ZMYND11: variants seen among roughly 807,000 people sequenced by gnomAD.
ZMYND11 encodes the protein zinc finger MYND-type containing 11.
Under a neutral mutation model 84.9 loss-of-function variants are expected in ZMYND11, and 9 were observed. The observed-to-expected ratio is 0.11, with a 90% CI of 0.06 to 0.18. The LOEUF is 0.18. ZMYND11 is among the 10% of genes least tolerant of loss of function. The pLI, the probability that ZMYND11 is intolerant of heterozygous loss-of-function variation, is 1.00. For synonymous variants in ZMYND11, 250 were observed against 244.1 expected (o/e 1.02, Z -0.23); for missense variants, 409 against 761.0 (o/e 0.54, Z 5.44).
chr10:248,216 ACAG>A (rs1280450001), intron 12 of ZMYND11, 117 bp from the exon 13 acceptor site: 1 of 1,299,430 alleles, frequency 7.7e-7, no homozygotes, highest in East Asian at 2.4e-5. Flanking sequence ...ACATTTTTCA[ACAG>A]CAGTTTATTC....
In ZMYND11 at chr10:149,720, C is replaced by G. The variant is rs185641872; in HGVS notation, c.-20+14161C>G. 2.1e-3 allele frequency among the ~76,000 whole-genome samples: 317 copies of G among 152,270 alleles called. 2 individuals carry two copies. The highest frequency in any genetic ancestry group is 7.3e-3 in the African/African-American group (304 of 41,550). ...GCACTAATTTTATACTTTATCCAGT[C>G]TCACACTTTAAATAGACATTGTATC... On this transcript the variant is annotated intron_variant, in intron 1 of 14. Coordinates refer to ENST00000381604, the MANE Select transcript of ZMYND11 (RefSeq NM_001370100.5).
intron 2 of ZMYND11, among the ~76,000 whole-genome samples, chr10:181,079 C>G (rs1847795935): frequency 1.3e-5 from 2 of 151,452 alleles, no homozygotes; most frequent in South Asian, 4.2e-4. Flanking sequence ...TGTTTTGTTT[C>G]TCTGGGTATT....
At chr10:241,793 A>T (rs1187072393) in intron 9 of ZMYND11, among the ~76,000 whole-genome samples, 2 of 152,042 alleles carry the variant, frequency 1.3e-5, no homozygotes, top group Non-Finnish European at 2.9e-5. Flanking sequence ...ATACATGTGG[A>T]TGGCCTTGCT....
chr10:229,181 G>C (rs1203392261), intron 4 of ZMYND11, among the ~76,000 whole-genome samples: 1 of 152,112 alleles, frequency 6.6e-6, no homozygotes, highest in Non-Finnish European at 1.5e-5. Context: ...AATAAATGTA[G>C]ATACAGCCAC....
Position 253,317 on chromosome 10 carries a change from T to A in ZMYND11, c.*847T>A, listed in dbSNP as rs563626850. The stretch of plus-strand genomic sequence containing the variant: ...GAGGCATACGAATTTGTTTAATGCT[T>A]CCCTTCCCTTCCCACATATCATCTC... On this transcript the variant is annotated 3_prime_UTR_variant, in exon 15 of 15. Transcript: ENST00000381604. The A allele has an allele frequency of 6.5e-6, 1 of 152,758 alleles. No homozygotes were observed. Among genetic ancestry groups the A allele is most frequent in the African/African-American group, 2.4e-5 (1 of 41,566 alleles). The allele number at this position is 152,758 out of a possible 1,614,324, so 9.5% of individuals were successfully genotyped here.
At position 240,108 on chromosome 10, in the gene ZMYND11, T is replaced by C. The variant is rs1564445140; in HGVS notation, c.750T>C (p.His250=). The C allele has an allele frequency of 2.5e-6, 4 of 1,609,608 alleles. No homozygotes were observed. The highest frequency in any genetic ancestry group is 3.4e-6 in the Non-Finnish European group (4 of 1,177,472). ...IARMLYKDTC[H]ELDELQLCKN... is the part of the protein sequence containing the mutation. ...GGATGCTATATAAAGACACATGTCATGAGGTACTATTCATTGCCCAATAGT... is the reference window on the plus strand; with the variant it reads ...GGATGCTATATAAAGACACATGTCACGAGGTACTATTCATTGCCCAATAGT... Residue 250 remains histidine (H), a synonymous_variant, in exon 8 of 15, where the codon CAT becomes CAC. Coordinates refer to ENST00000381604, the MANE Select transcript of ZMYND11 (RefSeq NM_001370100.5).
Position 240,100 on chromosome 10 carries a change from A to C in ZMYND11, c.742A>C (p.Thr248Pro). 1 of 1,611,036 alleles carries C rather than the reference A, an allele frequency of 6.2e-7. No homozygotes were observed. The change falls in exon 8 of 15, where the codon ACA becomes CCA. Residue 248 changes from threonine to proline, a missense_variant. Physicochemically the swap from Thr to Pro is conservative, Grantham distance 38 (BLOSUM62 -1). Around this residue, in one of 7 missense-constraint regions of ZMYND11, gnomAD observed 59 missense variants for 151.0 expected, o/e 0.39. Transcript: ENST00000381604. The part of the protein sequence containing the change: ...ADIARMLYKD[T>P]CHELDELQLC... ...CATTGCGAGGATGCTATATAAAGAC[A>C]CATGTCATGAGGTACTATTCATTGC...
At chr10:205,940 T>C (rs1009408268) in intron 2 of ZMYND11, among the ~76,000 whole-genome samples, 5 of 152,128 alleles carry the variant, frequency 3.3e-5, no homozygotes, top group African/African-American at 4.8e-5. Flanking sequence ...TGGTCAGTTG[T>C]TATGTATGTC....
intron 14 of ZMYND11, among the ~76,000 whole-genome samples, chr10:250,766 G>A (rs370855817): frequency 1.2e-4 from 19 of 152,174 alleles, no homozygotes; most frequent in South Asian, 6.2e-4. Context: ...GGCCAGGCTC[G>A]GTGCTCACAC....
chr10:238,564 G>T (rs1442449322), intron 6 of ZMYND11, among the ~76,000 whole-genome samples: 1 of 152,048 alleles, frequency 6.6e-6, no homozygotes, highest in Non-Finnish European at 1.5e-5. Flanking sequence ...CACCGTTTTA[G>T]CCAGGATGGT....
At chr10:137,102 C>T (rs572246524) in intron 1 of ZMYND11, among the ~76,000 whole-genome samples, 2 of 152,190 alleles carry the variant, frequency 1.3e-5, no homozygotes, top group African/African-American at 4.8e-5. Flanking sequence ...ATGTCATATG[C>T]ACCATGCATG....
intron 10 of ZMYND11, 62 bp from the exon 11 acceptor site, chr10:246,704 C>T: frequency 6.5e-7 from 1 of 1,541,372 alleles, no homozygotes; most frequent in Non-Finnish European, 8.9e-7. Context: ...CTGAAGCCCT[C>T]TTTTACCACC....
upstream of ZMYND11, among the ~76,000 whole-genome samples, chr10:132,268 C>CA (rs1193270241): frequency 6.1e-5 from 9 of 148,216 alleles, no homozygotes; most frequent in African/African-American, 2.2e-4. Flanking sequence ...TGCTGCTGCT[C>CA]AAAAAAAATA....
chr10:193,845 C>T (rs575491502), intron 2 of ZMYND11, among the ~76,000 whole-genome samples: 2 of 152,228 alleles, frequency 1.3e-5, no homozygotes, highest in Admixed American at 6.5e-5. Flanking sequence ...CCATGATAAT[C>T]TTTTCTTGGT....
chr10:217,019 A>C (rs1946292291), intron 3 of ZMYND11, among the ~76,000 whole-genome samples: 1 of 152,218 alleles, frequency 6.6e-6, no homozygotes, highest in Non-Finnish European at 1.5e-5. Flanking sequence ...ATGCTATCTC[A>C]AACACACATA....
At chr10:228,952 A>G (rs947496994) in intron 4 of ZMYND11, among the ~76,000 whole-genome samples, 5 of 152,048 alleles carry the variant, frequency 3.3e-5, no homozygotes, top group Non-Finnish European at 5.9e-5. Flanking sequence ...GTGTGTGTGT[A>G]TGTGTGTACC....
intron 3 of ZMYND11, among the ~76,000 whole-genome samples, chr10:217,320 A>C (rs1347444066): frequency 6.6e-6 from 1 of 152,148 alleles, no homozygotes; most frequent in African/African-American, 2.4e-5. Flanking sequence ...TAGGAGTTTG[A>C]GATCGGCCTG....
chr10:147,096 A>G (rs1839070601), intron 1 of ZMYND11, among the ~76,000 whole-genome samples: 1 of 152,228 alleles, frequency 6.6e-6, no homozygotes, highest in South Asian at 2.1e-4. Context: ...GTGTACATTG[A>G]TTCTGTAGCA....
At chr10:242,179 TATGAAGTCCTTAAGAA>T in intron 10 of ZMYND11, 40 bp downstream of exon 10, 1 of 1,605,842 alleles carries the variant, frequency 6.2e-7, no homozygotes, top group Non-Finnish European at 8.5e-7. Flanking sequence ...CAGCTGTGCT[TATGAAGTCCTTAAGAA>T]AGTTTGATGA....
Sources: allele counts gnomAD v4.1 joint callset (sites outside exome capture counted in the v4.1 genomes callset), GRCh38; gene constraint gnomAD v4.1.1; regional missense constraint gnomAD v4.1.1; transcripts MANE v1.5; gene names NCBI Gene and HGNC (gene_info 2026-07-23, HGNC 2026-07-21).